The following SLIT3 variants were observed in gnomAD, a reference collection of about 807,000 sequenced individuals.
SLIT3 encodes the protein slit guidance ligand 3, also known as slit homolog 3 protein.
A neutral mutation model predicts 184.0 loss-of-function variants in SLIT3; 68 were observed. The ratio of observed to expected loss-of-function variants is 0.37; its 90% CI spans 0.30 to 0.45. The LOEUF is 0.45. SLIT3 is among the 20% of genes least tolerant of loss of function. The pLI is 1.00. For missense variants in SLIT3, 1,707 were observed against 2,026.0 expected (o/e 0.84, Z 3.02); for synonymous variants, 831 against 828.6 (o/e 1.00, Z -0.05).
chr5:168,715,930 C>A (rs1360705216), intron 23 of SLIT3, among the ~76,000 whole-genome samples: 1 of 151,846 alleles, frequency 6.6e-6, no homozygotes, highest in Admixed American at 6.6e-5. Context: ...CCTTGGCCCC[C>A]CAAAGTGCTG....
intron 4 of SLIT3, among the ~76,000 whole-genome samples, chr5:168,887,330 C>G (rs1359907614): frequency 6.6e-6 from 1 of 152,026 alleles, no homozygotes; most frequent in African/African-American, 2.4e-5. Context: ...GGAATTTGAT[C>G]CTAGAGGTCA....
At chr5:168,862,016 C>A in intron 5 of SLIT3, among the ~76,000 whole-genome samples, 1 of 152,324 alleles carries the variant, frequency 6.6e-6, no homozygotes. Context: ...GACACCAACA[C>A]TGTCCTTAGA....
At chr5:169,128,275 TA>T (rs1761157965) in intron 4 of SLIT3, among the ~76,000 whole-genome samples, 10 of 146,532 alleles carry the variant, frequency 6.8e-5, no homozygotes, top group African/African-American at 2.5e-4. Flanking sequence ...TATATATATT[TA>T]TATATATATA....
In SLIT3 at chr5:168,762,660, T is replaced by C. The variant is rs764722385; in HGVS notation, c.1489A>G (p.Ser497Gly). 1 of 1,613,984 alleles carries C rather than the reference T, an allele frequency of 6.2e-7. No homozygotes were observed. Among genetic ancestry groups the C allele is most frequent in the Non-Finnish European group, 8.5e-7 (1 of 1,179,962 alleles). The change falls in exon 15 of 36, where the codon AGC becomes GGC. Residue 497 changes from serine (S) to glycine (G), a missense_variant. This residue lies in a region of SLIT3 where 1,307 missense variants were observed against 1,511.6 expected (regional missense o/e 0.86). Transcript: ENST00000519560. ...GSEDYRSRFS[S>G]ECFMDLVCPE... The stretch of plus-strand genomic sequence containing the variant: ...CACACGAGGTCCATGAAGCACTCGC[T>C]GCTGAACCTGCTGCGGTAATCCTCG...
At chr5:168,991,076 G>A (rs1379003777) in intron 4 of SLIT3, among the ~76,000 whole-genome samples, 1 of 152,210 alleles carries the variant, frequency 6.6e-6, no homozygotes, top group East Asian at 1.9e-4. Context: ...GCTAGCAACT[G>A]GCACCGCTGG....
At chr5:168,708,956 G>T (rs4868519) in intron 25 of SLIT3, among the ~76,000 whole-genome samples, 22,944 of 152,182 alleles carry the variant, frequency 0.15, 2,306 homozygotes, top group Non-Finnish European at 0.22. Context: ...CACATTAGAA[G>T]AGGAAGACTA....
intron 3 of SLIT3, among the ~76,000 whole-genome samples, chr5:169,224,721 C>A (rs1054589232): frequency 6.6e-6 from 1 of 151,372 alleles, no homozygotes; most frequent in Middle Eastern, 3.3e-3. Flanking sequence ...CAGACTCACT[C>A]TGTTGCCCAG....
At chr5:168,948,973 C>T (rs1386788169) in intron 4 of SLIT3, among the ~76,000 whole-genome samples, 1 of 152,148 alleles carries the variant, frequency 6.6e-6, no homozygotes, top group Non-Finnish European at 1.5e-5. Flanking sequence ...TAGCAGTTCC[C>T]ACACCTGGCT....
At chr5:168,904,489 CAAT>C (rs56039430) in intron 4 of SLIT3, among the ~76,000 whole-genome samples, 7,714 of 147,632 alleles carry the variant, frequency 0.052, 234 homozygotes, top group Middle Eastern at 0.1. Flanking sequence ...TTAGAAATAA[CAAT>C]AATAATAATA....
intron 4 of SLIT3, among the ~76,000 whole-genome samples, chr5:169,000,392 CAAAAAAA>C (rs34002967): frequency 6.9e-4 from 29 of 42,328 alleles, no homozygotes; most frequent in African/African-American, 1.0e-3. Context: ...AACTCCATCT[CAAAAAAA>C]AAAAAAAAAA....
chr5:169,236,408 G>A (rs1400664027), intron 3 of SLIT3, among the ~76,000 whole-genome samples: 1 of 151,882 alleles, frequency 6.6e-6, no homozygotes, highest in Non-Finnish European at 1.5e-5. Flanking sequence ...TGCTGGGCAT[G>A]CTCATTGCTA....
At chr5:168,704,339 G>GCACACAAAA (rs1762314102) in intron 26 of SLIT3, among the ~76,000 whole-genome samples, 1 of 138,700 alleles carries the variant, frequency 7.2e-6, no homozygotes, top group African/African-American at 3.5e-5. Context: ...ACTGAATCCT[G>GCACACAAAA]GCACTGAGGT....
intron 4 of SLIT3, among the ~76,000 whole-genome samples, chr5:168,909,928 A>G (rs1000512089): frequency 3.3e-5 from 5 of 152,236 alleles, no homozygotes; most frequent in Admixed American, 2.0e-4. Context: ...CTGTCTCCCA[A>G]AAGAAGCCCA....
rs1345920300 is a variant in SLIT3, at chr5:168,762,636, A to T, written c.1513T>A (p.Cys505Ser). 2 of 1,614,170 alleles carry T rather than the reference A, an allele frequency of 1.2e-6. No individual in the cohort carries two copies. Among genetic ancestry groups the T allele is most frequent in the Non-Finnish European group, 1.7e-6 (2 of 1,180,032 alleles). The change falls in exon 15 of 36, where the codon TGC becomes AGC. Residue 505 changes from cysteine to serine, a missense_variant. Transcript: ENST00000519560. ...FSSECFMDLV[C>S]PEKCRCEGTI... ...CCCTCACAGCGACACTTCTCGGGGC[A>T]CACGAGGTCCATGAAGCACTCGCTG...
chr5:169,111,402 A>G (rs1377736460), intron 4 of SLIT3, among the ~76,000 whole-genome samples: 6 of 152,228 alleles, frequency 3.9e-5, no homozygotes, highest in Non-Finnish European at 7.3e-5. Flanking sequence ...ATGCAGTTAT[A>G]ACATGAAAGT....
intron 12 of SLIT3, 125 bp from the exon 13 acceptor site, chr5:168,774,503 C>T (rs1377067361): frequency 1.9e-6 from 2 of 1,031,022 alleles, no homozygotes; most frequent in Admixed American, 2.4e-5. Context: ...TGAGCTCCTG[C>T]TGCAGAACAG....
chr5:169,141,432 T>G (rs7447283), intron 4 of SLIT3, among the ~76,000 whole-genome samples: 3,446 of 152,014 alleles, frequency 0.023, 108 homozygotes, highest in African/African-American at 0.062. Context: ...TTGTTTTTTT[T>G]TTTGTTTTTT....
At position 168,753,986 on chromosome 5, in the gene SLIT3, G is replaced by C; in HGVS notation, c.1707C>G (p.Ile569Met). 6.3e-7 allele frequency: 1 copy of C among 1,598,252 alleles called. No individual in the cohort carries two copies. The change falls in exon 17 of 36, where the codon ATC becomes ATG. Residue 569 changes from isoleucine (I) to methionine (M), a missense_variant. Ile to Met is a conservative substitution (Grantham distance 10, BLOSUM62 1). Transcript: ENST00000519560. ...LRKINLSNNK[I>M]KEVREGAFDG... ...CGAAAGCTCCCTCTCGCACCTCCTT[G>C]ATCTTATTGTTACTCAGATTTCTAG...
intron 12 of SLIT3, among the ~76,000 whole-genome samples, chr5:168,778,093 G>A (rs375369968): frequency 9.9e-5 from 15 of 152,270 alleles, no homozygotes; most frequent in African/African-American, 1.7e-4. Context: ...TGCTTGCTCC[G>A]TCCTGGTTCA....
Sources: allele counts gnomAD v4.1 joint callset (sites outside exome capture counted in the v4.1 genomes callset), GRCh38; gene constraint gnomAD v4.1.1; regional missense constraint gnomAD v4.1.1; transcripts MANE v1.5; gene names NCBI Gene and HGNC (gene_info 2026-07-23, HGNC 2026-07-21).